Variants in PRAMEF4 observed in about 807,000 individuals in gnomAD.
PRAMEF4 encodes the protein PRAME family member 4.
Under a neutral mutation model 34.4 loss-of-function variants are expected in PRAMEF4, and 18 were observed. That is an observed-to-expected ratio of 0.52 (90% confidence interval 0.36 to 0.78). The LOEUF (loss-of-function observed/expected upper bound fraction) is 0.78, where lower values mean the gene tolerates loss of function less well. Among genes scored for constraint, PRAMEF4 ranks in the 30% least tolerant of loss-of-function variants. The pLI is 0.00. For missense variants in PRAMEF4, 482 were observed against 569.1 expected (o/e 0.85, Z 1.56); for synonymous variants, 156 against 219.3 (o/e 0.71, Z 2.55).
At position 12,883,002 on chromosome 1, in the gene PRAMEF4, C is replaced by G. The variant is rs369209632; in HGVS notation, c.293+100G>C. 49 of 1,527,028 alleles carry G rather than the reference C, an allele frequency of 3.2e-5. No individual in the cohort carries two copies. The East Asian group carries it at 4.9e-4, about 15-fold the overall frequency. The allele number at this position is 1,527,028 out of a possible 1,614,324, so 94.6% of individuals were successfully genotyped here. Reference sequence around the variant, plus strand: ...TGGCCAAGTCCTCTCGGCTTCCTCACCACCACCATCCCCCTTGGGCCTCCT... The same window carrying G: ...TGGCCAAGTCCTCTCGGCTTCCTCAGCACCACCATCCCCCTTGGGCCTCCT... On this transcript the variant is annotated intron_variant, in intron 2 of 3. Coordinates refer to ENST00000235349, the MANE Select transcript of PRAMEF4 (RefSeq NM_001009611.4).
intron 1 of PRAMEF4, among the ~76,000 whole-genome samples, chr1:12,884,566 T>A (rs1252351801): frequency 6.8e-6 from 1 of 146,678 alleles, no homozygotes; most frequent in Non-Finnish European, 1.5e-5. Flanking sequence ...ACAGCAAAAA[T>A]TAGCCAGGTG....
chr1:12,884,914 C>G (rs1170618496), intron 1 of PRAMEF4, among the ~76,000 whole-genome samples: 1 of 150,290 alleles, frequency 6.7e-6, no homozygotes, highest in East Asian at 1.9e-4. Flanking sequence ...ATGTGTCCTT[C>G]AAAGTCCTGA....
chr1:12,881,555 C>T (rs376410080), intron 3 of PRAMEF4, among the ~76,000 whole-genome samples: 1,117 of 139,122 alleles, frequency 8.0e-3, no homozygotes, highest in East Asian at 0.044. Context: ...TTAACTTAGA[C>T]ACACGTCCTC....
At chr1:12,880,325 C>A (rs1378931129) in intron 3 of PRAMEF4, among the ~76,000 whole-genome samples, 1 of 150,570 alleles carries the variant, frequency 6.6e-6, no homozygotes, top group Admixed American at 6.8e-5. Flanking sequence ...CCTGTAATCC[C>A]AGCACTTTGG....
rs772738865 is a variant in PRAMEF4, at chr1:12,883,096, C to A, written c.293+6G>T. The A allele has an allele frequency of 3.1e-6, 5 of 1,600,634 alleles. No individual in the cohort carries two copies. Among genetic ancestry groups the A allele is most frequent in the South Asian group, 2.2e-5 (2 of 90,158 alleles). On this transcript the variant is annotated splice_donor_region_variant and intron_variant, in intron 2 of 3. Transcript: ENST00000235349. Reference sequence around the variant, plus strand: ...CCTCCCCACCAGCCCACCTGGGCCACCTCACCTGGGACGAACCCCTAGGTT... The same window carrying A: ...CCTCCCCACCAGCCCACCTGGGCCAACTCACCTGGGACGAACCCCTAGGTT...
At position 12,880,211 on chromosome 1, in the gene PRAMEF4, C is replaced by A. The variant is rs548454444; in HGVS notation, c.876-106G>T. ...GGATGGAGACCTTTTTGCCCAAGTC[C>A]AGGGTCATTCTGATGGCCTGATGGT... On this transcript the variant is annotated intron_variant, in intron 3 of 3. Transcript: ENST00000235349. The A allele has an allele frequency of 2.0e-5, 31 of 1,525,360 alleles. No homozygotes were observed. The South Asian group carries it at 3.5e-4, about 17-fold the overall frequency. The allele number at this position is 1,525,360 out of a possible 1,614,324, so 94.5% of individuals were successfully genotyped here.
chr1:12,883,483 G>C, intron 1 of PRAMEF4, 73 bp from the exon 2 acceptor site: 2 of 1,575,332 alleles, frequency 1.3e-6, no homozygotes, highest in Non-Finnish European at 1.7e-6. Context: ...CTCTCCTATG[G>C]CCAAACTCAC....
intron 1 of PRAMEF4, among the ~76,000 whole-genome samples, chr1:12,885,409 T>C (rs1405370750): frequency 6.7e-6 from 1 of 149,886 alleles, no homozygotes; most frequent in East Asian, 1.9e-4. Context: ...CAGGCTGGAG[T>C]ACAGTAGTGG....
intron 1 of PRAMEF4, among the ~76,000 whole-genome samples, chr1:12,885,313 A>T (rs977629995): frequency 6.7e-6 from 1 of 149,876 alleles, no homozygotes; most frequent in Non-Finnish European, 1.5e-5. Flanking sequence ...TGGGTGGAAG[A>T]GGATGTGATT....
Position 12,882,031 on chromosome 1 carries a change from A to T in PRAMEF4, c.698T>A (p.Met233Lys). 1 of 1,590,824 alleles carries T rather than the reference A, an allele frequency of 6.3e-7. No homozygotes were observed. Among genetic ancestry groups the T allele is most frequent in the Non-Finnish European group, 8.5e-7 (1 of 1,173,396 alleles). ...LTQFTPYLGH[M>K]RNLQKLILSH... ...GAGAATGAGTTTCTGAAGATTCCTCATGTGGCCCAGGTATGGGGTAAACTG... is the reference window on the plus strand; with the variant it reads ...GAGAATGAGTTTCTGAAGATTCCTCTTGTGGCCCAGGTATGGGGTAAACTG... Residue 233 changes from methionine to lysine, a missense_variant, in exon 3 of 4, where the codon ATG (methionine) becomes AAG (lysine). Coordinates refer to ENST00000235349, the MANE Select transcript of PRAMEF4 (RefSeq NM_001009611.4).
intron 1 of PRAMEF4, among the ~76,000 whole-genome samples, chr1:12,885,558 A>G (rs1425037703): frequency 0.018 from 2,625 of 144,270 alleles, 4 homozygotes; most frequent in Non-Finnish European, 0.025. Flanking sequence ...AGGCAGGTGG[A>G]TCACTTGAGG....
rs755225716 is a variant in PRAMEF4, at chr1:12,883,259, A to G, written c.136T>C (p.Phe46Leu). The change falls in exon 2 of 4, where the codon TTC becomes CTC. Residue 46 changes from phenylalanine (F) to leucine (L), a missense_variant. Physicochemically the swap from Phe to Leu is conservative, Grantham distance 22 (BLOSUM62 0). Around this residue, in one of 6 missense-constraint regions of PRAMEF4, gnomAD observed 172 missense variants for 130.2 expected, o/e 1.32. Transcript: ENST00000235349. ...AGGGCCTCACAGCGTCTCCTGCTGA[A>G]GGCCTCCATGAACAGTGGGGGGAAA... ...ELFPPLFMEA[F>L]SRRRCEALKL... 6.3e-7 allele frequency: 1 copy of G among 1,598,966 alleles called. No homozygotes were observed. Among genetic ancestry groups the G allele is most frequent in the East Asian group, 2.3e-5 (1 of 44,200 alleles).
chr1:12,883,877 TTCTC>T (rs755682839), intron 1 of PRAMEF4, among the ~76,000 whole-genome samples: 8,287 of 135,518 alleles, frequency 0.061, 286 homozygotes, highest in Non-Finnish European at 0.068. Context: ...TGCTTTCTCT[TTCTC>T]TCTCTTTCTT....
rs953319101 is a variant in PRAMEF4, at chr1:12,881,544, C to G, written c.875+310G>C. ...CCGCCCCTGGCGTATTTTTCATCAT[C>G]TTAACTTAGACACACGTCCTCAGGA... On this transcript the variant is annotated intron_variant, in intron 3 of 3. Coordinates refer to ENST00000235349, the MANE Select transcript of PRAMEF4 (RefSeq NM_001009611.4). 2.7e-5 allele frequency among the ~76,000 whole-genome samples: 4 copies of G among 146,996 alleles called. No homozygotes were observed. The Admixed American group carries it at 2.8e-4, about 10-fold the overall frequency.
Position 12,884,142 on chromosome 1 carries a change from G to C in PRAMEF4, c.-16-732C>G, listed in dbSNP as rs535888586. Among the ~76,000 whole-genome samples, 68 of 145,198 alleles carry C rather than the reference G, an allele frequency of 4.7e-4. 4 individuals carry two copies. In the South Asian group the frequency reaches 0.015, roughly 31 times the overall value. ...TCCTCCTCAGCCTCCCAAGTAGCTC[G>C]GACCACAGTTATGCATCACCACACC... On this transcript the variant is annotated intron_variant, in intron 1 of 3. Coordinates refer to ENST00000235349, the MANE Select transcript of PRAMEF4 (RefSeq NM_001009611.4).
chr1:12,881,378 GT>G (rs1413422624), intron 3 of PRAMEF4, among the ~76,000 whole-genome samples: 3 of 148,610 alleles, frequency 2.0e-5, no homozygotes, highest in African/African-American at 7.5e-5. Context: ...GAAAAAAAAA[GT>G]TATCTTGTTT....
At chr1:12,884,504 C>G (rs1332099304) in intron 1 of PRAMEF4, among the ~76,000 whole-genome samples, 6 of 148,360 alleles carry the variant, frequency 4.0e-5, no homozygotes, top group African/African-American at 1.5e-4. Flanking sequence ...CATCTGAGAT[C>G]AGGAATTCAA....
chr1:12,880,260 G>A (rs1431107546), intron 3 of PRAMEF4, among the ~76,000 whole-genome samples, 155 bp from the exon 4 acceptor site: 1 of 151,420 alleles, frequency 6.6e-6, no homozygotes, highest in African/African-American at 2.4e-5. Flanking sequence ...GATGTGTGAT[G>A]AAGAGCTTTG....
Position 12,884,146 on chromosome 1 carries a change from C to A in PRAMEF4, c.-16-736G>T, listed in dbSNP as rs556088055. ...CCTCAGCCTCCCAAGTAGCTCGGAC[C>A]ACAGTTATGCATCACCACACCCAGC... is the stretch of plus-strand genomic sequence containing the variant. On this transcript the variant is annotated intron_variant, in intron 1 of 3. Transcript: ENST00000235349. Among the ~76,000 whole-genome samples the A allele has an allele frequency of 4.8e-4, 70 of 145,486 alleles. 4 individuals carry two copies. The highest frequency in any genetic ancestry group is 1.6e-3 in the African/African-American group (63 of 38,872).
Sources: gnomAD v4.1 joint callset for allele counts (sites outside exome capture counted in the v4.1 genomes callset) on GRCh38, gnomAD v4.1.1 for gene constraint, gnomAD v4.1.1 regional missense constraint, MANE v1.5 for transcripts, NCBI Gene and HGNC (gene_info 2026-07-23, HGNC 2026-07-21) for gene names.